Variants in FGF12 observed in about 807,000 individuals in gnomAD.
The protein encoded by FGF12 is fibroblast growth factor 12.
In FGF12, 14 loss-of-function variants were observed where a neutral mutation model predicts 23.6. The ratio of observed to expected loss-of-function variants is 0.59; its 90% confidence interval spans 0.39 to 0.93. FGF12 has a LOEUF of 0.93. Among genes scored for constraint, FGF12 ranks in the 40% least tolerant of loss-of-function variants. The probability of loss-of-function intolerance (pLI) is 0.00; values close to 1 mark genes in which losing one functional copy is unlikely to be tolerated. For synonymous variants in FGF12, 62 were observed against 77.3 expected (o/e 0.80, Z 1.04); for missense variants, 175 against 217.8 (o/e 0.80, Z 1.24).
intron 3 of FGF12, among the ~76,000 whole-genome samples, chr3:192,339,176 T>C (rs1444356755): frequency 2.0e-5 from 3 of 152,172 alleles, no homozygotes; most frequent in Admixed American, 6.6e-5. Context: ...TGGTAAAAGC[T>C]AAACATAGTT....
intron 3 of FGF12, among the ~76,000 whole-genome samples, chr3:192,356,946 A>C (rs1009124330): frequency 3.9e-5 from 6 of 152,202 alleles, no homozygotes; most frequent in African/African-American, 1.4e-4. Flanking sequence ...TTTTTATTTG[A>C]TATTCTTCAT....
intron 4 of FGF12, among the ~76,000 whole-genome samples, chr3:192,175,855 A>C (rs956211437): frequency 3.3e-5 from 5 of 152,068 alleles, no homozygotes; most frequent in Non-Finnish European, 5.9e-5. Context: ...TCATAGTTTC[A>C]TACTCTACCT....
Position 192,694,661 on chromosome 3 carries a change from CACAGTAAAATAGTAT to C in FGF12, c.13+32505_13+32519del, listed in dbSNP as rs533651678. On this transcript the variant is annotated intron_variant, in intron 2 of 5. Transcript: ENST00000445105. ...GTACATATATATACATATATATGTA[CACAGTAAAATAGTAT>C]ACAGTAAAATAGTATACAGCCTTCA... Among the ~76,000 whole-genome samples the C allele has an allele frequency of 3.0e-3, 450 of 151,278 alleles. 3 individuals are homozygous for C. The highest frequency in any genetic ancestry group is 9.8e-3 in the African/African-American group (405 of 41,132).
intron 2 of FGF12, among the ~76,000 whole-genome samples, chr3:192,565,795 C>T (rs1225564238): frequency 2.6e-5 from 4 of 152,112 alleles, no homozygotes; most frequent in Non-Finnish European, 5.9e-5. Context: ...CATTAAGAGA[C>T]GCATGACTGG....
At chr3:192,656,302 CACACACACACACACACACAGAG>C (rs1350719091) in intron 2 of FGF12, among the ~76,000 whole-genome samples, 2 of 92,024 alleles carry the variant, frequency 2.2e-5, no homozygotes, top group African/African-American at 3.5e-5. Flanking sequence ...CACACACACA[CACACACACACACACACACAGAG>C]AGAGAATTAT....
chr3:192,636,253 A>G (rs1022932452), intron 2 of FGF12, among the ~76,000 whole-genome samples: 1 of 152,178 alleles, frequency 6.6e-6, no homozygotes, highest in African/African-American at 2.4e-5. Flanking sequence ...ATCCATAGCT[A>G]CCCTGTTCTA....
intron 2 of FGF12, among the ~76,000 whole-genome samples, chr3:192,628,387 T>C (rs996546752): frequency 1.1e-4 from 16 of 147,796 alleles, no homozygotes; most frequent in African/African-American, 3.7e-4. Context: ...AAATAAAAAC[T>C]GCCAAATTGT....
intron 2 of FGF12, among the ~76,000 whole-genome samples, chr3:192,506,697 G>T (rs1373476267): frequency 1.3e-5 from 2 of 151,522 alleles, no homozygotes; most frequent in Non-Finnish European, 2.9e-5. Flanking sequence ...TTAAGTGTAG[G>T]GGTGCATAAC....
At chr3:192,382,695 A>T (rs908805649) in intron 2 of FGF12, among the ~76,000 whole-genome samples, 1 of 152,234 alleles carries the variant, frequency 6.6e-6, no homozygotes, top group African/African-American at 2.4e-5. Context: ...GACAGTCATA[A>T]TTCATAATTA....
intron 4 of FGF12, among the ~76,000 whole-genome samples, chr3:192,243,349 G>A (rs570506173): frequency 6.6e-6 from 1 of 152,016 alleles, no homozygotes; most frequent in South Asian, 2.1e-4. Flanking sequence ...ATAAAGTAAA[G>A]CTACAATAAT....
intron 2 of FGF12, among the ~76,000 whole-genome samples, chr3:192,475,948 T>TAGATAGATAGATAGAC (rs1305507149): frequency 6.6e-6 from 1 of 152,070 alleles, no homozygotes; most frequent in African/African-American, 2.4e-5. Flanking sequence ...GATAGATAGA[T>TAGATAGATAGATAGAC]AGATAGATAA....
chr3:192,725,755 T>G (rs1719193008), intron 2 of FGF12, among the ~76,000 whole-genome samples: 1 of 152,184 alleles, frequency 6.6e-6, no homozygotes, highest in Non-Finnish European at 1.5e-5. Context: ...ATATTCTTTT[T>G]CTGTTGTTAA....
chr3:192,459,043 T>A (rs1722774057), intron 2 of FGF12, among the ~76,000 whole-genome samples: 1 of 152,188 alleles, frequency 6.6e-6, no homozygotes, highest in Non-Finnish European at 1.5e-5. Context: ...GCCTTTCACC[T>A]CCCACCATGA....
intron 4 of FGF12, among the ~76,000 whole-genome samples, chr3:192,232,532 T>TTTATTTATTTAC (rs2108585973): frequency 6.6e-6 from 1 of 151,798 alleles, no homozygotes; most frequent in South Asian, 2.1e-4. Flanking sequence ...TATTTATTTA[T>TTTATTTATTTAC]TTATTTATTT....
chr3:192,469,300 T>A, intron 2 of FGF12, among the ~76,000 whole-genome samples: 1 of 152,210 alleles, frequency 6.6e-6, no homozygotes, highest in South Asian at 2.1e-4. Context: ...CTACACCCTC[T>A]CAGCCAATAG....
In FGF12 at chr3:192,412,202, A is replaced by C. The variant is rs566310900; in HGVS notation, c.14-51664T>G. The stretch of plus-strand genomic sequence containing the variant: ...CAGAACTGCAGTCCTGTGCACCGCC[A>C]CCCTGCGCCCCCTATAAAAGGCCTG... On this transcript the variant is annotated intron_variant, in intron 2 of 5. Coordinates refer to ENST00000445105, the MANE Select transcript of FGF12 (RefSeq NM_004113.6). Among the ~76,000 whole-genome samples the C allele has an allele frequency of 3.9e-5, 6 of 152,238 alleles. No homozygotes were observed. The South Asian group carries it at 1.2e-3, about 32-fold the overall frequency.
intron 4 of FGF12, among the ~76,000 whole-genome samples, chr3:192,197,454 T>C (rs549118937): frequency 2.9e-4 from 44 of 152,356 alleles, no homozygotes; most frequent in Admixed American, 2.5e-3. Context: ...TTATATCTCC[T>C]TTTTTGTCTA....
intron 3 of FGF12, among the ~76,000 whole-genome samples, chr3:192,341,596 A>G (rs1405116286): frequency 1.3e-5 from 2 of 152,080 alleles, no homozygotes; most frequent in South Asian, 4.1e-4. Flanking sequence ...TTCGAGGGAG[A>G]ACCCCACATA....
chr3:192,219,037 GTTATAAAAATTAGAAACATTTAC>G (rs1264850862), intron 4 of FGF12, among the ~76,000 whole-genome samples: 1 of 152,042 alleles, frequency 6.6e-6, no homozygotes, highest in Non-Finnish European at 1.5e-5. Flanking sequence ...TAAATGCAAT[GTTATAAAAATTAGAAACATTTAC>G]TTATAAATAT....
Sources: allele counts gnomAD v4.1 joint callset (sites outside exome capture counted in the v4.1 genomes callset), GRCh38; gene constraint gnomAD v4.1.1; transcripts MANE v1.5; gene names NCBI Gene and HGNC (gene_info 2026-07-23, HGNC 2026-07-21).